The following FAF1 variants were observed in gnomAD, a reference collection of about 807,000 sequenced individuals.
The protein encoded by FAF1 is FAS-associated factor 1.
A neutral mutation model predicts 92.5 loss-of-function variants in FAF1; 25 were observed. That is an observed-to-expected ratio of 0.27 (90% CI 0.20 to 0.38). The LOEUF (loss-of-function observed/expected upper bound fraction) is 0.38. FAF1 is among the 10% of genes least tolerant of loss of function. The pLI is 1.00. For synonymous variants in FAF1, 234 were observed against 273.2 expected, an observed-to-expected ratio of 0.86 and a Z score of 1.42; for missense variants, 636 against 793.3, an observed-to-expected ratio of 0.80 and a Z score of 2.38.
intron 1 of FAF1, among the ~76,000 whole-genome samples, chr1:50,896,622 A>G (rs1041101324): frequency 1.3e-5 from 2 of 152,236 alleles, no homozygotes; most frequent in South Asian, 4.1e-4. Context: ...AAATTCTGAC[A>G]TACGCTACAA....
intron 1 of FAF1, among the ~76,000 whole-genome samples, chr1:50,910,838 G>A (rs996559401): frequency 2.6e-5 from 4 of 152,010 alleles, no homozygotes; most frequent in Non-Finnish European, 5.9e-5. Flanking sequence ...CCCGGGTGAG[G>A]CAATGCCCCG....
At chr1:50,947,605 A>G (rs377194410) in intron 1 of FAF1, among the ~76,000 whole-genome samples, 1 of 152,276 alleles carries the variant, frequency 6.6e-6, no homozygotes, top group African/African-American at 2.4e-5. Flanking sequence ...AATTATAATC[A>G]GGAAGAGTGA....
intron 7 of FAF1, among the ~76,000 whole-genome samples, chr1:50,704,328 G>A (rs28709160): frequency 2.1e-4 from 32 of 151,626 alleles, no homozygotes; most frequent in African/African-American, 6.8e-4. Context: ...ATTCAACCCC[G>A]AAGGAAAAAA....
intron 12 of FAF1, among the ~76,000 whole-genome samples, chr1:50,573,134 G>A (rs927736740): frequency 1.3e-5 from 2 of 150,902 alleles, no homozygotes; most frequent in African/African-American, 4.9e-5. Context: ...GAGACAGAGT[G>A]TTGCTCTGTT....
At chr1:50,627,568 G>A (rs930952408) in intron 8 of FAF1, among the ~76,000 whole-genome samples, 3 of 151,908 alleles carry the variant, frequency 2.0e-5, no homozygotes, top group Non-Finnish European at 4.4e-5. Flanking sequence ...GTTGGACAAA[G>A]AAGGAAGGAA....
intron 17 of FAF1, among the ~76,000 whole-genome samples, chr1:50,485,696 A>AAC (rs1557964489): frequency 2.1e-5 from 3 of 141,414 alleles, no homozygotes; most frequent in Admixed American, 1.4e-4. Context: ...AAAAAAAAAA[A>AAC]CCAAAAAAAC....
intron 1 of FAF1, among the ~76,000 whole-genome samples, chr1:50,952,192 C>G (rs1418935989): frequency 6.6e-6 from 1 of 152,222 alleles, no homozygotes; most frequent in Non-Finnish European, 1.5e-5. Context: ...CATCTCGGCT[C>G]ACTGCAACCT....
At chr1:50,909,487 G>A (rs760796000) in intron 1 of FAF1, among the ~76,000 whole-genome samples, 2 of 152,168 alleles carry the variant, frequency 1.3e-5, no homozygotes, top group Non-Finnish European at 2.9e-5. Context: ...CTTGGTTCCA[G>A]TCTTCTCGTC....
chr1:50,794,158 G>GCTGC (rs1661661603), intron 3 of FAF1, among the ~76,000 whole-genome samples: 1 of 152,222 alleles, frequency 6.6e-6, no homozygotes, highest in South Asian at 2.1e-4. Flanking sequence ...AAATACAAGG[G>GCTGC]CTGCCACCTT....
At chr1:50,931,766 A>C (rs1645048751) in intron 1 of FAF1, among the ~76,000 whole-genome samples, 1 of 151,928 alleles carries the variant, frequency 6.6e-6, no homozygotes, top group Non-Finnish European at 1.5e-5. Context: ...AGTCCCAGCT[A>C]CTCAGGAGGC....
chr1:50,637,751 AT>A (rs1654126243), intron 8 of FAF1, among the ~76,000 whole-genome samples: 1 of 151,580 alleles, frequency 6.6e-6, no homozygotes, highest in African/African-American at 2.4e-5. Context: ...ACACATATAT[AT>A]ATAGTAATGA....
intron 9 of FAF1, among the ~76,000 whole-genome samples, chr1:50,595,794 C>T (rs1335654846): frequency 4.0e-5 from 6 of 151,880 alleles, no homozygotes; most frequent in South Asian, 2.1e-4. Context: ...CTGCCTGTCT[C>T]GGCCATCCAA....
chr1:50,860,664 T>G (rs1438914258), intron 1 of FAF1, among the ~76,000 whole-genome samples: 1 of 151,860 alleles, frequency 6.6e-6, no homozygotes, highest in East Asian at 1.9e-4. Context: ...GAAATACAAC[T>G]TAGTTCAGCT....
At chr1:50,476,961 G>C (rs1483248881) in intron 17 of FAF1, among the ~76,000 whole-genome samples, 1 of 152,154 alleles carries the variant, frequency 6.6e-6, no homozygotes, top group Non-Finnish European at 1.5e-5. Context: ...ACAGAGGGTA[G>C]GGGAAACAAG....
At chr1:50,907,211 T>C (rs1360971360) in intron 1 of FAF1, among the ~76,000 whole-genome samples, 3 of 152,242 alleles carry the variant, frequency 2.0e-5, no homozygotes, top group Non-Finnish European at 4.4e-5. Context: ...GAACCAGCCT[T>C]GCATCCTACG....
At chr1:50,529,757 T>C (rs892926734) in intron 15 of FAF1, among the ~76,000 whole-genome samples, 3 of 152,234 alleles carry the variant, frequency 2.0e-5, no homozygotes, top group African/African-American at 7.2e-5. Flanking sequence ...ATAAACTTTA[T>C]TGGAATTTCT....
intron 1 of FAF1, among the ~76,000 whole-genome samples, chr1:50,895,413 TACCTGATGGCTTC>T (rs1479241287): frequency 2.0e-5 from 3 of 152,184 alleles, no homozygotes; most frequent in South Asian, 2.1e-4. Context: ...CCGACGGCTT[TACCTGATGGCTTC>T]ACTGAATCTT....
intron 1 of FAF1, among the ~76,000 whole-genome samples, chr1:50,890,822 A>C (rs1644713535): frequency 6.6e-6 from 1 of 152,108 alleles, no homozygotes; most frequent in Non-Finnish European, 1.5e-5. Context: ...ACTTTGGTGA[A>C]TCTGACAATT....
chr1:50,649,343 G>A (rs1394273444), intron 8 of FAF1, among the ~76,000 whole-genome samples: 2 of 151,334 alleles, frequency 1.3e-5, no homozygotes, highest in African/African-American at 4.9e-5. Context: ...TAGAGATGGG[G>A]TTTCTCCATG....
Sources: allele counts gnomAD v4.1 joint callset (sites outside exome capture counted in the v4.1 genomes callset), GRCh38; gene constraint gnomAD v4.1.1; transcripts MANE v1.5; gene names NCBI Gene and HGNC (gene_info 2026-07-23, HGNC 2026-07-21).